The following DAB1 variants were observed in gnomAD, a reference collection of about 807,000 sequenced individuals.
The protein encoded by DAB1 is DAB adaptor protein 1.
DAB1 carries 15 observed loss-of-function variants against 64.6 expected under a neutral mutation model. That is an observed-to-expected ratio of 0.23 (90% confidence interval 0.16 to 0.36). The LOEUF is 0.36. Among genes scored for constraint, DAB1 ranks in the 10% least tolerant of loss-of-function variants. DAB1 has a pLI of 1.00. For synonymous variants in DAB1, 235 were observed against 251.9 expected (o/e 0.93, Z 0.64); for missense variants, 596 against 706.7 (o/e 0.84, Z 1.78).
intron 4 of DAB1, among the ~76,000 whole-genome samples, chr1:58,290,695 A>C (rs1172532241): frequency 6.6e-6 from 1 of 152,176 alleles, no homozygotes; most frequent in Non-Finnish European, 1.5e-5. Flanking sequence ...AGAAATGTAC[A>C]TCATCCTTAG....
rs138264113 is a variant in DAB1 at position 57,302,492 on chromosome 1, G to A, written c.-136-11326C>T. Among the ~76,000 whole-genome samples, 1,123 of 152,228 alleles carry A rather than the reference G, an allele frequency of 7.4e-3. 6 individuals are homozygous for A. The highest frequency in any genetic ancestry group is 0.012 in the Non-Finnish European group (817 of 68,012). ...CACCTCTACTTACAAGTAAGAGCAC[G>A]GTGGGCAGCTCCCGAATGGGAGCTA... On this transcript the variant is annotated intron_variant, in intron 1 of 14. Transcript: ENST00000371236.
chr1:57,034,957 C>G (rs1647092472), intron 9 of DAB1, among the ~76,000 whole-genome samples: 1 of 152,206 alleles, frequency 6.6e-6, no homozygotes, highest in African/African-American at 2.4e-5. Flanking sequence ...TGCCCAGGCC[C>G]TCTAAGGCAG....
chr1:58,167,537 G>T (rs1285239476), intron 4 of DAB1, among the ~76,000 whole-genome samples: 3 of 152,212 alleles, frequency 2.0e-5, no homozygotes, highest in Non-Finnish European at 2.9e-5. Flanking sequence ...GTCAAATAAG[G>T]GAATAAAAGC....
At chr1:57,106,733 G>A (rs1655195490) in intron 4 of DAB1, among the ~76,000 whole-genome samples, 1 of 152,186 alleles carries the variant, frequency 6.6e-6, no homozygotes, top group Non-Finnish European at 1.5e-5. Flanking sequence ...TAAAGGAATA[G>A]TATTCACTCA....
chr1:57,983,438 G>A (rs1052143840), intron 5 of DAB1, among the ~76,000 whole-genome samples: 14 of 152,094 alleles, frequency 9.2e-5, no homozygotes, highest in African/African-American at 3.1e-4. Flanking sequence ...AATCCCAGGC[G>A]GCCAATGAGC....
At chr1:57,917,784 T>A (rs1026625824) in intron 5 of DAB1, among the ~76,000 whole-genome samples, 9 of 152,322 alleles carry the variant, frequency 5.9e-5, no homozygotes, top group African/African-American at 2.2e-4. Context: ...CCTTTTTAAC[T>A]CCTTCGCCCC....
chr1:57,765,238 C>T (rs1331005708), intron 6 of DAB1, among the ~76,000 whole-genome samples: 1 of 152,132 alleles, frequency 6.6e-6, no homozygotes, highest in Non-Finnish European at 1.5e-5. Context: ...TCAAGGGAGG[C>T]TGTGAGGATA....
rs11388518 is a variant in DAB1, at chr1:57,317,448, A to AT, written c.-136-26283dup. Among the ~76,000 whole-genome samples the AT allele has an allele frequency of 0.029, 4,349 of 152,166 alleles. 318 individuals carry two copies. In the East Asian group the frequency reaches 0.3, roughly 11 times the overall value. ...AACTAATACGTGTTCTTAAAACACA[A>AT]TTTTTTTTAGTCACGTAAATAGAAT... On this transcript the variant is annotated intron_variant, in intron 1 of 14. Transcript: ENST00000371236.
chr1:58,042,802 A>G (rs75246705), intron 5 of DAB1, among the ~76,000 whole-genome samples: 1,751 of 152,278 alleles, frequency 0.011, 32 homozygotes, highest in African/African-American at 0.04. Flanking sequence ...AGGAGCTTAG[A>G]TTTATCTTGA....
At chr1:58,014,494 C>T (rs1646711762) in intron 5 of DAB1, among the ~76,000 whole-genome samples, 1 of 152,174 alleles carries the variant, frequency 6.6e-6, no homozygotes. Context: ...TGGTTTGCTC[C>T]AGACCAAACA....
chr1:58,385,482 C>T (rs338944), intron 3 of DAB1, among the ~76,000 whole-genome samples: 111,462 of 152,080 alleles, frequency 0.73, 42,154 homozygotes, highest in African/African-American at 0.94. Context: ...CTTCCAATCC[C>T]CCATCCCCAC....
intron 4 of DAB1, among the ~76,000 whole-genome samples, chr1:58,202,412 T>C (rs1275425810): frequency 6.6e-6 from 1 of 152,236 alleles, no homozygotes; most frequent in African/African-American, 2.4e-5. Context: ...AAGGTCACTG[T>C]AGCAAATTAA....
intron 3 of DAB1, among the ~76,000 whole-genome samples, chr1:58,471,766 C>T (rs1645362487): frequency 6.6e-6 from 1 of 152,148 alleles, no homozygotes; most frequent in Non-Finnish European, 1.5e-5. Context: ...ACCCCTCCTG[C>T]TCCTGCCATC....
chr1:57,746,322 AT>A lies in DAB1; in HGVS notation n.552-96658del, dbSNP rs915509971. On this transcript the variant is annotated intron_variant and non_coding_transcript_variant, in intron 6 of 20. Transcript: ENST00000485760. Reference sequence around the variant, plus strand: ...GTATATTATCAATGTATATTTCTTCATTTTTTTTCTGGATATGATGAGTCCC... The same window carrying A: ...GTATATTATCAATGTATATTTCTTCATTTTTTTCTGGATATGATGAGTCCC... Among the ~76,000 whole-genome samples, 21 of 151,852 alleles carry A rather than the reference AT, an allele frequency of 1.4e-4. No individual in the cohort carries two copies. In the South Asian group the frequency reaches 4.0e-3, roughly 29 times the overall value.
intron 9 of DAB1, among the ~76,000 whole-genome samples, chr1:57,041,425 C>A (rs941826468): frequency 6.6e-6 from 1 of 152,146 alleles, no homozygotes; most frequent in Non-Finnish European, 1.5e-5. Flanking sequence ...AGTGCCACAA[C>A]AAGGGTACCA....
At chr1:57,790,897 A>T (rs972044939) in intron 6 of DAB1, among the ~76,000 whole-genome samples, 1 of 152,176 alleles carries the variant, frequency 6.6e-6, no homozygotes, top group South Asian at 2.1e-4. Context: ...ACTCACATGC[A>T]TGTGTACTCA....
chr1:57,370,615 GAAA>G (rs5774340), intron 1 of DAB1, among the ~76,000 whole-genome samples: 1 of 142,744 alleles, frequency 7.0e-6, no homozygotes. Context: ...GACAAACAGA[GAAA>G]AAAAAAAAAA....
At chr1:57,552,823 T>G (rs1341446674) in intron 7 of DAB1, among the ~76,000 whole-genome samples, 3 of 152,132 alleles carry the variant, frequency 2.0e-5, no homozygotes, top group African/African-American at 7.2e-5. Flanking sequence ...CCTAGAGGCC[T>G]GATGGGGGAA....
intron 1 of DAB1, among the ~76,000 whole-genome samples, chr1:57,419,677 T>C (rs1361465999): frequency 6.6e-6 from 1 of 152,242 alleles, no homozygotes; most frequent in Non-Finnish European, 1.5e-5. Flanking sequence ...CTTTACATGC[T>C]AGGTATTATT....
Sources: allele counts gnomAD v4.1 joint callset (sites outside exome capture counted in the v4.1 genomes callset), GRCh38; gene constraint gnomAD v4.1.1; transcripts MANE v1.5; gene names NCBI Gene and HGNC (gene_info 2026-07-23, HGNC 2026-07-21).